Variants in SEL1L3 observed in about 807,000 individuals in gnomAD.
The protein encoded by SEL1L3 is SEL1L family member 3.
Under a neutral mutation model 142.8 loss-of-function variants are expected in SEL1L3, and 76 were observed. The ratio of observed to expected loss-of-function variants is 0.53; its 90% CI spans 0.44 to 0.64. SEL1L3 has a LOEUF of 0.64. SEL1L3 is among the 30% of genes least tolerant of loss of function. The pLI, the probability that SEL1L3 is intolerant of heterozygous loss-of-function variation, is 0.00. For missense variants in SEL1L3, 1,262 were observed against 1,381.7 expected, an observed-to-expected ratio of 0.91 and a Z score of 1.37; for synonymous variants, 504 against 519.6, an observed-to-expected ratio of 0.97 and a Z score of 0.41.
At chr4:25,856,076 C>T (rs1244845092) in intron 1 of SEL1L3, among the ~76,000 whole-genome samples, 1 of 152,216 alleles carries the variant, frequency 6.6e-6, no homozygotes, top group Non-Finnish European at 1.5e-5. Flanking sequence ...CTTCTCCCAG[C>T]TATTTGGTCC....
At chr4:25,861,715 T>G (rs183777957) in intron 1 of SEL1L3, 1 of 151,736 alleles carries the variant, frequency 6.6e-6, no homozygotes, top group East Asian at 1.9e-4. Context: ...TTATTTACAG[T>G]AATATATGGC....
intron 1 of SEL1L3, 62 bp from the exon 2 acceptor site, chr4:25,847,926 T>C (rs976825791): frequency 9.5e-6 from 9 of 946,988 alleles, no homozygotes; most frequent in African/African-American, 1.7e-5. Flanking sequence ...TCATAACAGA[T>C]ACTTGAATCA....
In SEL1L3 at chr4:25,757,579, A is replaced by G; in HGVS notation, c.3214T>C (p.Ser1072Pro). The change falls in exon 23 of 24, where the codon TCC becomes CCC. Residue 1072 changes from serine (S) to proline (P), a missense_variant. Ser to Pro is a moderately conservative substitution (Grantham distance 74). Around this residue, in one of 3 missense-constraint regions of SEL1L3, gnomAD observed 138 missense variants for 129.7 expected, o/e 1.06. Transcript: ENST00000399878. ...TGCACAGTCCAGGCGATCAATATGG[A>G]TAGCAGAAAGGTTCCCAGAAAGTAG... ...LIYFLGTFLL[S>P]ILIAWTVQYF... 6.4e-7 allele frequency: 1 copy of G among 1,552,050 alleles called. No homozygotes were observed. Among genetic ancestry groups the G allele is most frequent in the Non-Finnish European group, 8.7e-7 (1 of 1,147,510 alleles).
intron 1 of SEL1L3, among the ~76,000 whole-genome samples, chr4:25,851,545 G>A (rs538352846): frequency 2.0e-5 from 3 of 152,162 alleles, no homozygotes; most frequent in Non-Finnish European, 4.4e-5. Flanking sequence ...CTTTTGAATT[G>A]TGTACTACAC....
chr4:25,744,147 G>A (rs944193763), downstream of SEL1L3, among the ~76,000 whole-genome samples: 8 of 152,072 alleles, frequency 5.3e-5, no homozygotes, highest in South Asian at 8.3e-4. Flanking sequence ...GATGGCTCCC[G>A]TGAATGAGTC....
chr4:25,741,053 G>A, the SEL1L3 span, among the ~76,000 whole-genome samples: 1 of 151,750 alleles, frequency 6.6e-6, no homozygotes, highest in African/African-American at 2.4e-5. Flanking sequence ...CCAAAGTGCT[G>A]GGATTATAGA....
At position 25,757,021 on chromosome 4, in the gene SEL1L3, A is replaced by C. The variant is rs916036500; in HGVS notation, c.3259+513T>G. 8 of 1,076,218 alleles carry C rather than the reference A, an allele frequency of 7.4e-6. No individual in the cohort carries two copies. In the African/African-American group the frequency reaches 1.3e-4, roughly 18 times the overall value. 66.7% of individuals were successfully genotyped at this position (1,076,218 alleles called of 1,614,324 possible). Reference sequence around the variant, plus strand: ...AGTGGCCCACGCCTGTAATCCCAGCACTTCAGGAGGATGAGGCAGCCAGAT... The same window carrying C: ...AGTGGCCCACGCCTGTAATCCCAGCCCTTCAGGAGGATGAGGCAGCCAGAT... On this transcript the variant is annotated intron_variant, in intron 23 of 23. Transcript: ENST00000399878.
intron 1 of SEL1L3, among the ~76,000 whole-genome samples, chr4:25,851,579 A>G (rs1167318153): frequency 6.6e-6 from 1 of 152,036 alleles, no homozygotes; most frequent in African/African-American, 2.4e-5. Context: ...GTAGGTGAGG[A>G]GAAAGCAACT....
Position 25,788,160 on chromosome 4 carries a change from C to A in SEL1L3, c.2217+64G>T. ...GACTCCCTGTTTGCCAGCCCGCCCA[C>A]AGGAAACTGCTCAGGAGTCTGATAA... On this transcript the variant is annotated intron_variant, in intron 13 of 23. Coordinates refer to ENST00000399878, the MANE Select transcript of SEL1L3 (RefSeq NM_015187.5). This position sits in a 1 kb window ranked among gnomAD's most constrained non-coding sequence, Gnocchi z 5.3. 6 of 1,560,382 alleles carry A rather than the reference C, an allele frequency of 3.8e-6. No individual in the cohort carries two copies. Among genetic ancestry groups the A allele is most frequent in the Non-Finnish European group, 5.2e-6 (6 of 1,144,932 alleles).
chr4:25,817,811 T>A (rs961607104), intron 9 of SEL1L3, among the ~76,000 whole-genome samples: 3 of 152,210 alleles, frequency 2.0e-5, no homozygotes, highest in African/African-American at 7.2e-5. Flanking sequence ...CTGATTTTTT[T>A]TAAAACATAT....
chr4:25,742,611 T>A (rs1322303332), downstream of SEL1L3, among the ~76,000 whole-genome samples: 1 of 152,232 alleles, frequency 6.6e-6, no homozygotes, highest in Admixed American at 6.5e-5. Flanking sequence ...GTAGACTTTT[T>A]AAATTTCCTT....
At chr4:25,862,541 G>T in intron 1 of SEL1L3, 134 bp downstream of exon 1, 1 of 432,554 alleles carries the variant, frequency 2.3e-6, no homozygotes, top group Non-Finnish European at 3.7e-6. Context: ...GGAACGCCCG[G>T]GGCGCAGCGA....
chr4:25,850,182 C>T (rs921955609), intron 1 of SEL1L3, among the ~76,000 whole-genome samples: 2 of 152,102 alleles, frequency 1.3e-5, no homozygotes, highest in African/African-American at 2.4e-5. Flanking sequence ...CCCAGCCCAA[C>T]GAATGTGAAC....
At chr4:25,785,253 AC>A (rs1322867717) in intron 13 of SEL1L3, among the ~76,000 whole-genome samples, 1 of 152,210 alleles carries the variant, frequency 6.6e-6, no homozygotes, top group Non-Finnish European at 1.5e-5. Flanking sequence ...AGCGCTAGTT[AC>A]CGTTCCTGTG....
At chr4:25,843,662 C>T (rs1003019280) in intron 2 of SEL1L3, among the ~76,000 whole-genome samples, 4 of 152,230 alleles carry the variant, frequency 2.6e-5, no homozygotes, top group African/African-American at 7.2e-5. Flanking sequence ...CATATGCCCC[C>T]CACACCCAGA....
At chr4:25,813,619 G>A (rs144468886) in intron 9 of SEL1L3, among the ~76,000 whole-genome samples, 5 of 152,326 alleles carry the variant, frequency 3.3e-5, no homozygotes, top group African/African-American at 1.2e-4. Context: ...GAAAAAAGTC[G>A]TGGAGCTCTG....
chr4:25,813,081 T>C (rs1408868373), intron 9 of SEL1L3, among the ~76,000 whole-genome samples: 2 of 152,172 alleles, frequency 1.3e-5, no homozygotes, highest in African/African-American at 4.8e-5. Flanking sequence ...ATTGGAACCC[T>C]TGTGCACCGT....
chr4:25,792,317 A>G (rs998714602), intron 11 of SEL1L3, among the ~76,000 whole-genome samples: 1 of 152,258 alleles, frequency 6.6e-6, no homozygotes, highest in Non-Finnish European at 1.5e-5. Context: ...TCCAGGTGAA[A>G]CTATAGAACT....
chr4:25,754,547 G>T (rs1009262912), intron 23 of SEL1L3, among the ~76,000 whole-genome samples: 2 of 151,706 alleles, frequency 1.3e-5, no homozygotes, highest in African/African-American at 2.4e-5. Flanking sequence ...TTCTAACAGG[G>T]CTGGCAGGTA....
Sources: gnomAD v4.1 joint callset for allele counts (sites outside exome capture counted in the v4.1 genomes callset) on GRCh38, gnomAD v4.1.1 for gene constraint, gnomAD v4.1.1 regional missense constraint, Gnocchi (gnomAD v3.1) non-coding constraint, MANE v1.5 for transcripts, NCBI Gene and HGNC (gene_info 2026-07-23, HGNC 2026-07-21) for gene names.